The following CACNA2D3 variants were observed in gnomAD, a reference collection of about 807,000 sequenced individuals.
CACNA2D3 encodes the protein voltage-dependent calcium channel subunit alpha-2/delta-3.
In CACNA2D3, 60 loss-of-function variants were observed where a neutral mutation model predicts 160.6. That is an observed-to-expected ratio of 0.37 (90% CI 0.30 to 0.46). The LOEUF is 0.46. Ranked by LOEUF, CACNA2D3 falls within the 20% of genes least tolerant of loss-of-function variation. CACNA2D3 has a pLI of 1.00. For synonymous variants in CACNA2D3, 558 were observed against 492.9 expected, an observed-to-expected ratio of 1.13 and a Z score of -1.75; for missense variants, 1,205 against 1,365.0, an observed-to-expected ratio of 0.88 and a Z score of 1.85.
At chr3:54,239,652 ATCACT>A (rs1701941617) in intron 2 of CACNA2D3, among the ~76,000 whole-genome samples, 1 of 152,356 alleles carries the variant, frequency 6.6e-6, no homozygotes, top group Admixed American at 6.5e-5. Context: ...GTTCAGAATC[ATCACT>A]TCACTTCCTA....
chr3:54,490,345 C>G (rs1041459725), intron 4 of CACNA2D3, among the ~76,000 whole-genome samples: 3 of 151,310 alleles, frequency 2.0e-5, no homozygotes, highest in Non-Finnish European at 4.4e-5. Context: ...GCAGCAGGCT[C>G]CCACGCCCTG....
At chr3:54,699,287 T>A in intron 11 of CACNA2D3, among the ~76,000 whole-genome samples, 1 of 152,288 alleles carries the variant, frequency 6.6e-6, no homozygotes, top group East Asian at 1.9e-4. Context: ...CATGGGATGC[T>A]GGAGGAGCAA....
chr3:54,718,288 T>C (rs1265219362), intron 11 of CACNA2D3, among the ~76,000 whole-genome samples: 2 of 152,180 alleles, frequency 1.3e-5, no homozygotes, highest in African/African-American at 2.4e-5. Flanking sequence ...TGCTCTTTTA[T>C]ATACAATTTA....
intron 27 of CACNA2D3, among the ~76,000 whole-genome samples, chr3:54,943,722 T>C (rs1420775113): frequency 1.3e-5 from 2 of 152,156 alleles, no homozygotes; most frequent in Non-Finnish European, 2.9e-5. Flanking sequence ...TTCTGCCTAT[T>C]TCATCTTGCT....
chr3:54,350,966 C>CTTTTTTTTT (rs1698542275), intron 3 of CACNA2D3, among the ~76,000 whole-genome samples: 1 of 63,286 alleles, frequency 1.6e-5, no homozygotes, highest in Non-Finnish European at 3.6e-5. Flanking sequence ...GATCTTGAGT[C>CTTTTTTTTT]TGTTTTTTTT....
intron 21 of CACNA2D3, among the ~76,000 whole-genome samples, chr3:54,883,538 T>C (rs1699851194): frequency 6.6e-6 from 1 of 152,206 alleles, no homozygotes; most frequent in Non-Finnish European, 1.5e-5. Flanking sequence ...TCTCATCTTT[T>C]CTGAGTGTCA....
At chr3:54,694,934 C>T (rs1700637092) in intron 11 of CACNA2D3, among the ~76,000 whole-genome samples, 1 of 152,132 alleles carries the variant, frequency 6.6e-6, no homozygotes, top group South Asian at 2.1e-4. Context: ...TCTATAAACG[C>T]TTTTCACAAA....
intron 4 of CACNA2D3, among the ~76,000 whole-genome samples, chr3:54,438,726 T>C (rs1262580898): frequency 6.6e-6 from 1 of 152,180 alleles, no homozygotes; most frequent in Non-Finnish European, 1.5e-5. Flanking sequence ...AGACATTAAG[T>C]GCATTAATTA....
At chr3:54,126,805 G>T (rs925175018) in intron 2 of CACNA2D3, among the ~76,000 whole-genome samples, 1 of 152,150 alleles carries the variant, frequency 6.6e-6, no homozygotes, top group Non-Finnish European at 1.5e-5. Context: ...GATACTGCAG[G>T]GGTTTCCGTT....
chr3:54,526,603 A>T (rs950162486), intron 5 of CACNA2D3, among the ~76,000 whole-genome samples: 61 of 152,260 alleles, frequency 4.0e-4, no homozygotes, highest in African/African-American at 1.4e-3. Flanking sequence ...TCAGAGGGTA[A>T]TGCCTTGGGT....
intron 2 of CACNA2D3, among the ~76,000 whole-genome samples, chr3:54,203,744 G>C (rs1386028227): frequency 6.6e-6 from 1 of 152,020 alleles, no homozygotes; most frequent in African/African-American, 2.4e-5. Context: ...TCGGTGTGCT[G>C]TTCTGCCGAC....
At chr3:54,961,353 G>T (rs1246236055) in intron 27 of CACNA2D3, among the ~76,000 whole-genome samples, 1 of 152,164 alleles carries the variant, frequency 6.6e-6, no homozygotes, top group African/African-American at 2.4e-5. Context: ...TGTACAATTT[G>T]GGTTTTGGGA....
At chr3:54,778,446 C>T (rs1702464393) in intron 13 of CACNA2D3, among the ~76,000 whole-genome samples, 1 of 151,928 alleles carries the variant, frequency 6.6e-6, no homozygotes, top group Non-Finnish European at 1.5e-5. Context: ...TCCTCCCACT[C>T]CATTCAGAAG....
chr3:54,367,298 A>G (rs549889992), intron 3 of CACNA2D3, among the ~76,000 whole-genome samples: 3 of 152,296 alleles, frequency 2.0e-5, no homozygotes, highest in Admixed American at 6.5e-5. Context: ...AAATTACAAA[A>G]AGGCAGACCA....
intron 13 of CACNA2D3, among the ~76,000 whole-genome samples, chr3:54,810,387 T>G (rs1248154105): frequency 1.3e-5 from 2 of 152,336 alleles, no homozygotes; most frequent in African/African-American, 4.8e-5. Flanking sequence ...AGAGACCCCT[T>G]GGCATAGGTT....
intron 11 of CACNA2D3, among the ~76,000 whole-genome samples, chr3:54,707,029 A>G (rs1311860892): frequency 6.6e-6 from 1 of 152,198 alleles, no homozygotes; most frequent in East Asian, 1.9e-4. Context: ...TTCTCTTACA[A>G]AGGCCTCCTT....
chr3:54,838,712 A>C, intron 16 of CACNA2D3, 64 bp downstream of exon 16: 1 of 1,243,484 alleles, frequency 8.0e-7, no homozygotes, highest in South Asian at 1.2e-5. Context: ...GTTTTCACAA[A>C]GTTCAGGCTT....
chr3:54,790,902 G>C (rs146026303), intron 13 of CACNA2D3, among the ~76,000 whole-genome samples: 2 of 152,306 alleles, frequency 1.3e-5, no homozygotes, highest in Non-Finnish European at 2.9e-5. Context: ...TGGAGTTTCA[G>C]GTTGAGTTTG....
intron 35 of CACNA2D3, among the ~76,000 whole-genome samples, chr3:55,065,069 G>GTGT: frequency 6.6e-6 from 1 of 152,206 alleles, no homozygotes; most frequent in South Asian, 2.1e-4. Flanking sequence ...CCTGCTCTGA[G>GTGT]TGTTTTATCC....
Sources: gnomAD v4.1 joint callset for allele counts (sites outside exome capture counted in the v4.1 genomes callset) on GRCh38, gnomAD v4.1.1 for gene constraint, MANE v1.5 for transcripts, NCBI Gene and HGNC (gene_info 2026-07-23, HGNC 2026-07-21) for gene names.